The following PTPRM variants were observed in gnomAD, a reference collection of about 807,000 sequenced individuals.
The protein encoded by PTPRM is protein tyrosine phosphatase receptor type M, also known as receptor-type tyrosine-protein phosphatase mu.
PTPRM carries 47 observed loss-of-function variants against 186.7 expected under a neutral mutation model. The ratio of observed to expected loss-of-function variants is 0.25; its 90% confidence interval spans 0.20 to 0.32. The LOEUF (loss-of-function observed/expected upper bound fraction) is 0.32, where lower values mean the gene tolerates loss of function less well. Ranked by LOEUF, PTPRM falls within the 10% of genes least tolerant of loss-of-function variation. The pLI is 1.00. For missense variants in PTPRM, 1,494 were observed against 1,865.0 expected (o/e 0.80, Z 3.66); for synonymous variants, 668 against 674.9 (o/e 0.99, Z 0.16).
At chr18:8,089,920 CA>C (rs2090623649) in intron 11 of PTPRM, among the ~76,000 whole-genome samples, 1 of 152,044 alleles carries the variant, frequency 6.6e-6, no homozygotes. Context: ...GAAAAATCTC[CA>C]AAATGTTTAA....
At chr18:7,571,099 C>T (rs927770886) in intron 1 of PTPRM, among the ~76,000 whole-genome samples, 27 of 151,922 alleles carry the variant, frequency 1.8e-4, no homozygotes, top group Admixed American at 5.3e-4. Flanking sequence ...CCACCACCAC[C>T]GCCAGCTAAT....
chr18:8,088,930 A>C, intron 11 of PTPRM, 79 bp downstream of exon 11: 1 of 1,119,918 alleles, frequency 8.9e-7, no homozygotes, highest in Non-Finnish European at 1.3e-6. Flanking sequence ...TGTGTTTTCT[A>C]GGGATTTGCT....
chr18:8,078,748 G>A (rs966221749), intron 9 of PTPRM, among the ~76,000 whole-genome samples: 2 of 152,160 alleles, frequency 1.3e-5, no homozygotes, highest in South Asian at 4.1e-4. Context: ...CTCCAGGCGA[G>A]GGTCTCAGGA....
chr18:8,387,769 C>CAT (rs1555897154), intron 31 of PTPRM, among the ~76,000 whole-genome samples: 46 of 151,698 alleles, frequency 3.0e-4, no homozygotes, highest in African/African-American at 9.4e-4. Flanking sequence ...TGTGTGTGCG[C>CAT]GCGCGTGCAT....
chr18:8,259,363 A>T (rs573845529), intron 19 of PTPRM, among the ~76,000 whole-genome samples: 1 of 151,752 alleles, frequency 6.6e-6, no homozygotes, highest in East Asian at 1.9e-4. Context: ...AATTGAAAAC[A>T]TTATGCCAGA....
Position 7,658,330 on chromosome 18 carries a change from T to TTATATATATATATATATA in PTPRM, c.73+90452_73+90469dup, listed in dbSNP as rs34009975. Among the ~76,000 whole-genome samples the TTATATATATATATATATA allele has an allele frequency of 3.8e-4, 47 of 124,422 alleles. 2 individuals are homozygous for TTATATATATATATATATA. The highest frequency in any genetic ancestry group is 1.1e-3 in the African/African-American group (36 of 32,670). The allele number at this position is 124,422 out of a possible 152,430, so 81.6% of individuals were successfully genotyped here. A position where few individuals can be genotyped will look rare whatever the true frequency, so the allele number is the denominator to read the frequency against. On this transcript the variant is annotated intron_variant, in intron 1 of 32. Coordinates refer to ENST00000580170, the MANE Select transcript of PTPRM (RefSeq NM_001105244.2). ...GTGGCTTCCTAAAATTAAAGTAAAT[T>TTATATATATATATATATA]TATATATATATATATATATATATAT...
intron 4 of PTPRM, among the ~76,000 whole-genome samples, chr18:7,920,471 A>T (rs546657672): frequency 6.6e-6 from 1 of 152,286 alleles, no homozygotes; most frequent in Admixed American, 6.5e-5. Context: ...AAATGAAAAA[A>T]ATGCTTTTAT....
intron 5 of PTPRM, among the ~76,000 whole-genome samples, chr18:7,945,464 CA>C (rs36069757): frequency 0.2 from 28,980 of 144,152 alleles, 3,017 homozygotes; most frequent in African/African-American, 0.25. Context: ...GACTCCATCT[CA>C]AAAAAAAAAA....
intron 19 of PTPRM, among the ~76,000 whole-genome samples, chr18:8,289,436 A>ATATATATG (rs2094998655): frequency 7.3e-6 from 1 of 136,728 alleles, no homozygotes; most frequent in Non-Finnish European, 1.5e-5. Context: ...ATATATATGT[A>ATATATATG]TATATACGTA....
At chr18:7,811,376 G>A (rs1056909420) in intron 2 of PTPRM, among the ~76,000 whole-genome samples, 21 of 152,224 alleles carry the variant, frequency 1.4e-4, no homozygotes, top group Non-Finnish European at 1.8e-4. Context: ...TCCCCACCCC[G>A]AGATGGAGTC....
chr18:8,127,225 C>A (rs1485017101), intron 13 of PTPRM, among the ~76,000 whole-genome samples: 1 of 152,058 alleles, frequency 6.6e-6, no homozygotes, highest in African/African-American at 2.4e-5. Flanking sequence ...ACAGTAAGTA[C>A]TGGTCATGGG....
chr18:8,063,097 G>A (rs1344707765), intron 7 of PTPRM, among the ~76,000 whole-genome samples: 211 of 150,438 alleles, frequency 1.4e-3, no homozygotes, highest in Middle Eastern at 3.5e-3. Flanking sequence ...CTGCTGTGCT[G>A]GCAATCAGCG....
chr18:8,001,104 A>G (rs7244725), intron 7 of PTPRM, among the ~76,000 whole-genome samples: 11,089 of 152,252 alleles, frequency 0.073, 519 homozygotes, highest in Middle Eastern at 0.27. Context: ...GAAGGAGAGC[A>G]GGGTAACATG....
At chr18:7,841,449 G>A (rs56310854) in intron 2 of PTPRM, among the ~76,000 whole-genome samples, 13,337 of 151,676 alleles carry the variant, frequency 0.088, 1,818 homozygotes, top group African/African-American at 0.29. Context: ...CTGCCACCAC[G>A]CCAGGCTAGT....
chr18:8,200,260 T>G (rs1301759997), intron 14 of PTPRM, among the ~76,000 whole-genome samples: 1 of 152,044 alleles, frequency 6.6e-6, no homozygotes, highest in Non-Finnish European at 1.5e-5. Flanking sequence ...CTCTCTATGA[T>G]CCCATCGCTG....
intron 9 of PTPRM, among the ~76,000 whole-genome samples, chr18:8,082,885 T>G (rs1254924454): frequency 6.6e-6 from 1 of 152,104 alleles, no homozygotes; most frequent in Non-Finnish European, 1.5e-5. Flanking sequence ...AAATTTCTCC[T>G]CATATGTTCC....
chr18:8,073,418 G>A (rs1343134680), intron 8 of PTPRM, among the ~76,000 whole-genome samples: 2 of 152,204 alleles, frequency 1.3e-5, no homozygotes, highest in Admixed American at 1.3e-4. Flanking sequence ...CTCAGGCATG[G>A]CCTGTTTTAG....
rs539266930 is a variant in PTPRM at position 7,816,469 on chromosome 18, A to T, written c.196+42198A>T. Among the ~76,000 whole-genome samples, 318 of 152,354 alleles carry T rather than the reference A, an allele frequency of 2.1e-3. 1 individual carries two copies. The highest frequency in any genetic ancestry group is 3.7e-3 in the Non-Finnish European group (252 of 68,024). Reference sequence around the variant, plus strand: ...GAATAAAGGATGTCATTTCTAATAAATTACAAATCTTGGCACTTAAAAATT... The same window carrying T: ...GAATAAAGGATGTCATTTCTAATAATTTACAAATCTTGGCACTTAAAAATT... On this transcript the variant is annotated intron_variant, in intron 2 of 32. Coordinates refer to ENST00000580170, the MANE Select transcript of PTPRM (RefSeq NM_001105244.2).
intron 4 of PTPRM, among the ~76,000 whole-genome samples, chr18:7,919,111 A>G (rs1003723909): frequency 6.6e-6 from 1 of 152,086 alleles, no homozygotes; most frequent in Non-Finnish European, 1.5e-5. Flanking sequence ...ACAAATGCGT[A>G]GATTTATTAC....
Sources: gnomAD v4.1 joint callset for allele counts (sites outside exome capture counted in the v4.1 genomes callset) on GRCh38, gnomAD v4.1.1 for gene constraint, MANE v1.5 for transcripts, NCBI Gene and HGNC (gene_info 2026-07-23, HGNC 2026-07-21) for gene names.